The following WFDC13 variants were observed in gnomAD, a reference collection of about 807,000 sequenced individuals.
WFDC13 encodes the protein WAP four-disulfide core domain protein 13.
WFDC13 carries 6 observed loss-of-function variants against 10.9 expected under a neutral mutation model. That is an observed-to-expected ratio of 0.55 (90% confidence interval 0.30 to 1.09). The LOEUF is 1.09. WFDC13 is among the 50% of genes least tolerant of loss of function. The pLI, the probability that WFDC13 is intolerant of heterozygous loss-of-function variation, is 0.06. For synonymous variants in WFDC13, 38 were observed against 39.5 expected (o/e 0.96, Z 0.14); for missense variants, 104 against 109.6 (o/e 0.95, Z 0.23).
rs186313376 is a variant in WFDC13 at position 45,703,077 on chromosome 20, G to T, written c.88+866G>T. On this transcript the variant is annotated intron_variant, in intron 1 of 3. Transcript: ENST00000305479. ...AGTTAATTGGAGAATCAGAATTTGA[G>T]GAAAGGCACAAAGAGGCTTTCTAAA... is the stretch of plus-strand genomic sequence containing the variant. Among the ~76,000 whole-genome samples, 6 of 152,256 alleles carry T rather than the reference G, an allele frequency of 3.9e-5. No individual in the cohort carries two copies. The East Asian group carries it at 1.2e-3, about 29-fold the overall frequency.
At chr20:45,706,442 C>T (rs751583642) in intron 3 of WFDC13, among the ~76,000 whole-genome samples, 3 of 152,180 alleles carry the variant, frequency 2.0e-5, no homozygotes, top group Non-Finnish European at 4.4e-5. Flanking sequence ...AACTCACTTA[C>T]AAGGTCACTC....
Position 45,702,161 on chromosome 20 carries a change from T to C in WFDC13, c.38T>C (p.Phe13Ser). Residue 13 changes from phenylalanine to serine, a missense_variant, in exon 1 of 4, where the codon TTC (phenylalanine) becomes TCC (serine). Transcript: ENST00000305479. Reference sequence around the variant, plus strand: ...CTGCCTCTCCAGTTCCTGGTGGTGTTCTGCCTAGCACTGCAGCTGGTGCCT... The same window carrying C: ...CTGCCTCTCCAGTTCCTGGTGGTGTCCTGCCTAGCACTGCAGCTGGTGCCT... ...PVLPLQFLVV[F>S]CLALQLVPGS... 1.2e-6 allele frequency: 2 copies of C among 1,613,532 alleles called. No homozygotes were observed. Among genetic ancestry groups the C allele is most frequent in the Non-Finnish European group, 1.7e-6 (2 of 1,179,822 alleles).
chr20:45,702,156 G>T lies in WFDC13; in HGVS notation c.33G>T (p.Val11=). MKPVLPLQFL[V]VFCLALQLVP... is the part of the protein sequence containing the mutation. ...CTGTGCTGCCTCTCCAGTTCCTGGT[G>T]GTGTTCTGCCTAGCACTGCAGCTGG... is the stretch of plus-strand genomic sequence containing the variant. Residue 11 remains valine, a synonymous_variant, in exon 1 of 4, where the codon GTG becomes GTT. Transcript: ENST00000305479. 1 of 1,613,454 alleles carries T rather than the reference G, an allele frequency of 6.2e-7. No homozygotes were observed. Among genetic ancestry groups the T allele is most frequent in the South Asian group, 1.1e-5 (1 of 90,798 alleles).
chr20:45,704,971 C>T (rs184667601), intron 2 of WFDC13: 3 of 1,614,128 alleles, frequency 1.9e-6, no homozygotes, highest in East Asian at 2.2e-5. Context: ...TTTTGCTTGC[C>T]CTCCTTTCAC....
intron 2 of WFDC13, among the ~76,000 whole-genome samples, chr20:45,705,610 A>G (rs1306246865): frequency 6.6e-6 from 1 of 152,222 alleles, no homozygotes; most frequent in Non-Finnish European, 1.5e-5. Context: ...TTTGGGGATT[A>G]GGCAACCACT....
At chr20:45,705,579 G>C (rs920682384) in intron 2 of WFDC13, among the ~76,000 whole-genome samples, 36 of 152,298 alleles carry the variant, frequency 2.4e-4, no homozygotes, top group African/African-American at 8.4e-4. Context: ...AACATTACTT[G>C]CCAACATAAT....
chr20:45,704,505 A>G lies in WFDC13; in HGVS notation c.150A>G (p.Thr50=). ...SAPENCTHLC[T]MQEDCEKGFQ... ...CTGAAAACTGTACTCACCTGTGTACAATGCAGGAAGATTGCGAGAAAGGAT... is the reference window on the plus strand; with the variant it reads ...CTGAAAACTGTACTCACCTGTGTACGATGCAGGAAGATTGCGAGAAAGGAT... Residue 50 remains threonine (T), a synonymous_variant, in exon 2 of 4, where the codon ACA becomes ACG. Coordinates refer to ENST00000305479, the MANE Select transcript of WFDC13 (RefSeq NM_172005.2). 3 of 1,614,214 alleles carry G rather than the reference A, an allele frequency of 1.9e-6. No individual in the cohort carries two copies. The Middle Eastern group carries it at 4.9e-4, about 266-fold the overall frequency.
chr20:45,705,061 A>T, intron 2 of WFDC13: 1 of 1,483,014 alleles, frequency 6.7e-7, no homozygotes, highest in East Asian at 2.3e-5. Flanking sequence ...TTGTCCAGAC[A>T]TTAACACTAG....
At chr20:45,705,709 G>T (rs1215096559) in intron 2 of WFDC13, among the ~76,000 whole-genome samples, 154 bp from the exon 3 acceptor site, 1 of 147,500 alleles carries the variant, frequency 6.8e-6, no homozygotes, top group African/African-American at 2.7e-5. Flanking sequence ...TAACTCTTTG[G>T]TGTCATTGAG....
chr20:45,702,051 T>G lies in WFDC13; in HGVS notation c.-73T>G, dbSNP rs1048321588. ...CTCCACTTTGCCCTCTTTCCTTCTC[T>G]TCTCCTCACAGCAGTGCCTGGTCAA... On this transcript the variant is annotated 5_prime_UTR_variant, in exon 1 of 4. Transcript: ENST00000305479. The G allele has an allele frequency of 4.2e-5, 61 of 1,442,098 alleles. No individual in the cohort carries two copies. The highest frequency in any genetic ancestry group is 5.3e-5 in the Non-Finnish European group (55 of 1,047,118). The allele number at this position is 1,442,098 out of a possible 1,614,324, so 89.3% of individuals were successfully genotyped here. A position where few individuals can be genotyped will look rare whatever the true frequency, so the allele number is the denominator to read the frequency against.
intron 1 of WFDC13, among the ~76,000 whole-genome samples, chr20:45,703,284 T>C (rs913328211): frequency 4.7e-4 from 72 of 152,292 alleles, no homozygotes; most frequent in African/African-American, 1.7e-3. Context: ...CAGTGAGCTA[T>C]AGAATAGCTG....
Position 45,704,489 on chromosome 20 carries a change from G to A in WFDC13, c.134G>A (p.Cys45Tyr). The change falls in exon 2 of 4, where the codon TGT becomes TAT. Residue 45 changes from cysteine (C) to tyrosine (Y), a missense_variant. Transcript: ENST00000305479. ...CCCTGCATATCAGCACCTGAAAACT[G>A]TACTCACCTGTGTACAATGCAGGAA... is the stretch of plus-strand genomic sequence containing the variant. ...PPPCISAPEN[C>Y]THLCTMQEDC... 1.2e-6 allele frequency: 2 copies of A among 1,614,094 alleles called. No homozygotes were observed. The highest frequency in any genetic ancestry group is 2.2e-5 in the South Asian group (2 of 91,076).
intron 2 of WFDC13, chr20:45,705,043 T>C (rs1384729672): frequency 3.2e-6 from 5 of 1,575,576 alleles, no homozygotes. Flanking sequence ...AAAGGAAGTT[T>C]TGATTAATTG....
In WFDC13 at chr20:45,707,964, G is replaced by A. The variant is rs894555657; in HGVS notation, c.*129G>A. 6.6e-6 allele frequency: 1 copy of A among 152,174 alleles called. No individual in the cohort carries two copies. Among genetic ancestry groups the A allele is most frequent in the Non-Finnish European group, 1.5e-5 (1 of 68,052 alleles). The allele number at this position is 152,174 out of a possible 1,614,324, so 9.4% of individuals were successfully genotyped here. On this transcript the variant is annotated 3_prime_UTR_variant, in exon 4 of 4. Transcript: ENST00000305479. ...AATCGTTTTTGAGTTTGGCAATAAA[G>A]GCTAATCTACCATAAAACTCTTGAA...
At chr20:45,705,994 T>A in intron 3 of WFDC13, 67 bp downstream of exon 3, 1 of 1,391,366 alleles carries the variant, frequency 7.2e-7, no homozygotes, top group East Asian at 2.3e-5. Context: ...TTTCTTCCTG[T>A]AGCCTCACCA....
chr20:45,705,810 C>A lies in WFDC13; in HGVS notation c.240-53C>A, dbSNP rs45568633. 1.6e-3 allele frequency: 2,511 copies of A among 1,533,144 alleles called. 3 individuals carry two copies. Among genetic ancestry groups the A allele is most frequent in the Non-Finnish European group, 2.0e-3 (2,233 of 1,116,092 alleles). The allele number at this position is 1,533,144 out of a possible 1,614,324, so 95.0% of individuals were successfully genotyped here. ...AAGTAATTGAAAGAAAAATATATAT[C>A]TCTAAAAGTAAAACTTCACTAGTTA... is the stretch of plus-strand genomic sequence containing the variant. On this transcript the variant is annotated intron_variant, in intron 2 of 3. Coordinates refer to ENST00000305479, the MANE Select transcript of WFDC13 (RefSeq NM_172005.2).
intron 1 of WFDC13, among the ~76,000 whole-genome samples, chr20:45,702,905 A>G (rs1984225141): frequency 6.6e-6 from 1 of 152,176 alleles, no homozygotes; most frequent in South Asian, 2.1e-4. Context: ...TCTTCAGAAT[A>G]CTGGCGGCTC....
At chr20:45,705,974 G>A (rs1282169495) in intron 3 of WFDC13, 47 bp downstream of exon 3, 57 of 1,539,168 alleles carry the variant, frequency 3.7e-5, no homozygotes, top group Non-Finnish European at 3.4e-5. Context: ...AGATTCCCAG[G>A]GATGCTCACT....
intron 2 of WFDC13, chr20:45,705,330 A>G (rs1266756711): frequency 2.5e-5 from 9 of 362,936 alleles, no homozygotes; most frequent in Non-Finnish European, 4.6e-5. Flanking sequence ...GAAGCCTGGC[A>G]GTCTTGTTCC....
Sources: allele counts gnomAD v4.1 joint callset (sites outside exome capture counted in the v4.1 genomes callset), GRCh38; gene constraint gnomAD v4.1.1; transcripts MANE v1.5; gene names NCBI Gene and HGNC (gene_info 2026-07-23, HGNC 2026-07-21).